PALLD: variants seen among roughly 807,000 people sequenced by gnomAD.
PALLD encodes the protein palladin.
PALLD carries 61 observed loss-of-function variants against 123.5 expected under a neutral mutation model. The ratio of observed to expected loss-of-function variants is 0.49; its 90% CI spans 0.40 to 0.61. The LOEUF is 0.61. PALLD is among the 20% of genes least tolerant of loss of function. The probability of loss-of-function intolerance (pLI) is 0.00; values close to 1 mark genes in which losing one functional copy is unlikely to be tolerated. For missense variants in PALLD, 1,273 were observed against 1,377.0 expected (o/e 0.92, Z 1.20); for synonymous variants, 465 against 496.4 (o/e 0.94, Z 0.84).
At chr4:168,813,630 A>T (rs1332830569) in intron 10 of PALLD, among the ~76,000 whole-genome samples, 1 of 152,002 alleles carries the variant, frequency 6.6e-6, no homozygotes, top group Admixed American at 6.6e-5. Context: ...GCTAATTTTT[A>T]AAAAATGTTT....
chr4:168,713,019 G>C (rs1166806508), intron 10 of PALLD, among the ~76,000 whole-genome samples: 5 of 152,162 alleles, frequency 3.3e-5, no homozygotes, highest in Non-Finnish European at 5.9e-5. Flanking sequence ...AATAACAAAA[G>C]CAGTCAAAAG....
intron 16 of PALLD, among the ~76,000 whole-genome samples, chr4:168,915,055 C>T (rs1246316462): frequency 6.6e-6 from 1 of 152,174 alleles, no homozygotes; most frequent in Non-Finnish European, 1.5e-5. Context: ...CATTTTTAAG[C>T]CTTTCCTTAT....
chr4:168,503,504 G>A (rs183452334), intron 1 of PALLD, among the ~76,000 whole-genome samples: 10 of 152,034 alleles, frequency 6.6e-5, no homozygotes, highest in South Asian at 6.2e-4. Context: ...AAAATTAGCC[G>A]GGCATGGTGG....
At position 168,711,599 on chromosome 4, in the gene PALLD, G is replaced by A. The variant is rs774905270; in HGVS notation, c.1640G>A (p.Ser547Asn). 1.2e-6 allele frequency: 2 copies of A among 1,613,772 alleles called. No individual in the cohort carries two copies. Among genetic ancestry groups the A allele is most frequent in the South Asian group, 2.2e-5 (2 of 91,072 alleles). ...TCCTTAGCCAACACTGAAAACTGTA[G>A]TTACGAGTCAATGGGAGAATCCAAC... ...VVTSANTENCSYESMGESNND... is the reference protein window; with the variant it reads ...VVTSANTENCNYESMGESNND... The change falls in exon 10 of 22, where the codon AGT (serine) becomes AAT (asparagine). Residue 547 changes from serine (S) to asparagine (N), a missense_variant. Transcript: ENST00000505667.
intron 19 of PALLD, 50 bp downstream of exon 19, chr4:168,924,470 T>G: frequency 6.7e-7 from 1 of 1,497,400 alleles, no homozygotes; most frequent in South Asian, 1.1e-5. Context: ...GTCCTAATGA[T>G]GTATCAAAAG....
At chr4:168,855,144 G>A (rs1198833391) in intron 10 of PALLD, among the ~76,000 whole-genome samples, 4 of 143,720 alleles carry the variant, frequency 2.8e-5, no homozygotes, top group Non-Finnish European at 6.0e-5. Context: ...AGGCTGGAGT[G>A]CAGTGGCGCG....
chr4:168,909,600 C>A (rs1758487014), intron 15 of PALLD, among the ~76,000 whole-genome samples: 1 of 152,084 alleles, frequency 6.6e-6, no homozygotes, highest in Non-Finnish European at 1.5e-5. Context: ...AAGCTTCACT[C>A]TAAACATTCC....
At chr4:168,811,770 TCTCTCTCACACA>T (rs1458765394) in intron 10 of PALLD, among the ~76,000 whole-genome samples, 7 of 101,838 alleles carry the variant, frequency 6.9e-5, no homozygotes, top group Admixed American at 2.0e-4. Flanking sequence ...TCTCTCTCTC[TCTCTCTCACACA>T]CACACACACA....
chr4:168,642,526 C>T (rs1003716748), intron 2 of PALLD, among the ~76,000 whole-genome samples: 7 of 152,240 alleles, frequency 4.6e-5, no homozygotes, highest in Middle Eastern at 3.4e-3. Context: ...CTCAGCCTCC[C>T]GAGTAGCTGG....
At chr4:168,826,650 T>G (rs886269661) in intron 10 of PALLD, among the ~76,000 whole-genome samples, 5 of 152,200 alleles carry the variant, frequency 3.3e-5, no homozygotes, top group Non-Finnish European at 4.4e-5. Context: ...AACTAAATAC[T>G]GTGTTTTGCA....
chr4:168,866,123 G>A (rs1750246629), intron 10 of PALLD, among the ~76,000 whole-genome samples: 2 of 151,922 alleles, frequency 1.3e-5, no homozygotes, highest in Admixed American at 1.3e-4. Context: ...AATTCCACTG[G>A]GTGTGGTGGC....
intron 2 of PALLD, among the ~76,000 whole-genome samples, chr4:168,597,433 T>G (rs563506368): frequency 5.3e-5 from 8 of 152,170 alleles, no homozygotes; most frequent in Admixed American, 2.6e-4. Context: ...ATGATTCTAA[T>G]AAATTATAAA....
intron 10 of PALLD, among the ~76,000 whole-genome samples, chr4:168,821,353 G>A (rs1189074114): frequency 2.0e-5 from 3 of 152,128 alleles, no homozygotes; most frequent in Non-Finnish European, 4.4e-5. Flanking sequence ...AGTTGATTAC[G>A]TATTTGTTCT....
At chr4:168,891,569 T>C (rs1467097545) in intron 11 of PALLD, among the ~76,000 whole-genome samples, 1 of 152,098 alleles carries the variant, frequency 6.6e-6, no homozygotes, top group African/African-American at 2.4e-5. Context: ...CTTCACTGCT[T>C]TCTCCTATGC....
chr4:168,631,634 C>T (rs1330470061), intron 2 of PALLD: 2 of 985,552 alleles, frequency 2.0e-6, no homozygotes, highest in Non-Finnish European at 2.4e-6. Flanking sequence ...CGCTGGAGAC[C>T]GGCGGCCTCT....
intron 2 of PALLD, among the ~76,000 whole-genome samples, chr4:168,653,468 T>G (rs1778250544): frequency 6.6e-6 from 1 of 152,218 alleles, no homozygotes. Flanking sequence ...GGGGAAACAC[T>G]TTCTCACAAT....
At chr4:168,761,954 CA>C (rs1354093629) in intron 10 of PALLD, among the ~76,000 whole-genome samples, 1 of 152,000 alleles carries the variant, frequency 6.6e-6, no homozygotes, top group Non-Finnish European at 1.5e-5. Context: ...TATTCTTCTC[CA>C]AACTCAGTCT....
intron 10 of PALLD, among the ~76,000 whole-genome samples, chr4:168,717,351 G>GTT (rs200590558): frequency 6.0e-5 from 9 of 150,166 alleles, no homozygotes; most frequent in African/African-American, 2.2e-4. Flanking sequence ...TTGTTTTTTT[G>GTT]TTTTTTTTTG....
chr4:168,753,056 G>A (rs1268463429), intron 10 of PALLD, among the ~76,000 whole-genome samples: 2 of 152,084 alleles, frequency 1.3e-5, no homozygotes, highest in Non-Finnish European at 2.9e-5. Context: ...AAGCGAACAA[G>A]CAAGAGAAAG....
Sources: allele counts gnomAD v4.1 joint callset (sites outside exome capture counted in the v4.1 genomes callset), GRCh38; gene constraint gnomAD v4.1.1; transcripts MANE v1.5; gene names NCBI Gene and HGNC (gene_info 2026-07-23, HGNC 2026-07-21).